ULK4: variants seen among roughly 807,000 people sequenced by gnomAD.
ULK4 encodes the protein unc-51 like kinase 4.
A neutral mutation model predicts 160.6 loss-of-function variants in ULK4; 133 were observed. That is an observed-to-expected ratio of 0.83 (90% CI 0.72 to 0.96). The LOEUF (loss-of-function observed/expected upper bound fraction) is 0.96, where lower values mean the gene tolerates loss of function less well. ULK4 is among the 40% of genes least tolerant of loss of function. ULK4 has a pLI of 0.00. For missense variants in ULK4, 1,580 were observed against 1,499.5 expected, an observed-to-expected ratio of 1.05 and a Z score of -0.89; for synonymous variants, 534 against 539.8, an observed-to-expected ratio of 0.99 and a Z score of 0.15.
At chr3:41,827,110 A>G (rs1029048269) in intron 18 of ULK4, among the ~76,000 whole-genome samples, 2 of 147,632 alleles carry the variant, frequency 1.4e-5, no homozygotes, top group African/African-American at 2.5e-5. Flanking sequence ...TTTGAAACCA[A>G]CGAGAACAAA....
chr3:41,911,485 A>G, intron 10 of ULK4, 56 bp downstream of exon 10: 1 of 1,587,220 alleles, frequency 6.3e-7, no homozygotes, highest in Non-Finnish European at 8.6e-7. Context: ...CACTGAAATT[A>G]GGAACTCTCT....
intron 17 of ULK4, among the ~76,000 whole-genome samples, chr3:41,842,451 T>C (rs1010538606): frequency 1.3e-5 from 2 of 152,206 alleles, no homozygotes; most frequent in Non-Finnish European, 2.9e-5. Context: ...TGATCCCCAG[T>C]GTTGGACGTG....
chr3:41,389,195 T>C (rs1305390451), intron 35 of ULK4, among the ~76,000 whole-genome samples: 6 of 152,134 alleles, frequency 3.9e-5, no homozygotes, highest in Non-Finnish European at 8.8e-5. Flanking sequence ...TGTATAAGAA[T>C]GCTTGTGATT....
At chr3:41,651,027 A>G (rs981936559) in intron 30 of ULK4, among the ~76,000 whole-genome samples, 1 of 152,120 alleles carries the variant, frequency 6.6e-6, no homozygotes, top group South Asian at 2.1e-4. Flanking sequence ...CTTTAGAGTT[A>G]TTGATGTTCC....
chr3:41,338,827 G>T (rs2080621345), intron 35 of ULK4, among the ~76,000 whole-genome samples: 1 of 151,716 alleles, frequency 6.6e-6, no homozygotes, highest in African/African-American at 2.4e-5. Context: ...GATCCTGAAG[G>T]CCTGAGAACC....
intron 30 of ULK4, among the ~76,000 whole-genome samples, chr3:41,636,701 A>T (rs1248523438): frequency 6.6e-6 from 1 of 152,012 alleles, no homozygotes; most frequent in Non-Finnish European, 1.5e-5. Flanking sequence ...GGTGCGCTGC[A>T]CCCATTAACT....
intron 30 of ULK4, among the ~76,000 whole-genome samples, chr3:41,632,485 C>A (rs2033790284): frequency 6.6e-6 from 1 of 152,096 alleles, no homozygotes. Context: ...TGTTTGGTAT[C>A]TTTTATGTGC....
Position 41,954,731 on chromosome 3 carries a change from A to C in ULK4, c.29T>G (p.Ile10Ser). MENFILYEE[I>S]GRGSKTVVYK... is the part of the protein sequence containing the mutation. ...GACAACAGTCTTGCTTCCTCTTCCGATCTCCTCATACAGAATAAAGTTTTC... is the reference window on the plus strand; with the variant it reads ...GACAACAGTCTTGCTTCCTCTTCCGCTCTCCTCATACAGAATAAAGTTTTC... The change falls in exon 2 of 37, where the codon ATC becomes AGC. Residue 10 changes from isoleucine to serine, a missense_variant. Ile to Ser is a moderately radical substitution (Grantham distance 142). Transcript: ENST00000301831. 1 of 1,613,854 alleles carries C rather than the reference A, an allele frequency of 6.2e-7. No individual in the cohort carries two copies. Among genetic ancestry groups the C allele is most frequent in the Non-Finnish European group, 8.5e-7 (1 of 1,179,878 alleles).
intron 32 of ULK4, among the ~76,000 whole-genome samples, chr3:41,463,601 A>T (rs1450591687): frequency 6.6e-6 from 1 of 152,224 alleles, no homozygotes; most frequent in East Asian, 1.9e-4. Context: ...TCTTGTTTGA[A>T]GGCAGTTTTC....
chr3:41,247,679 T>TG (rs2078670043), intron 36 of ULK4, among the ~76,000 whole-genome samples: 1 of 152,190 alleles, frequency 6.6e-6, no homozygotes, highest in Admixed American at 6.5e-5. Context: ...GACCGTTCCA[T>TG]GCATTCCTGC....
intron 27 of ULK4, among the ~76,000 whole-genome samples, chr3:41,697,254 G>A (rs1323711215): frequency 6.6e-6 from 1 of 152,108 alleles, no homozygotes; most frequent in African/African-American, 2.4e-5. Context: ...CAGCAACAGA[G>A]CACATGTACG....
chr3:41,956,006 C>T (rs1459271920), intron 1 of ULK4, among the ~76,000 whole-genome samples: 3 of 152,148 alleles, frequency 2.0e-5, no homozygotes, highest in Admixed American at 2.0e-4. Flanking sequence ...CTGTTTCACA[C>T]TGACTTCCTG....
At chr3:41,526,419 C>T (rs1164739975) in intron 32 of ULK4, among the ~76,000 whole-genome samples, 1 of 152,194 alleles carries the variant, frequency 6.6e-6, no homozygotes, top group Non-Finnish European at 1.5e-5. Context: ...ACAGCTAAGG[C>T]AATTCAGCCA....
intron 27 of ULK4, among the ~76,000 whole-genome samples, chr3:41,684,978 A>G (rs2036050843): frequency 6.6e-6 from 1 of 152,236 alleles, no homozygotes; most frequent in South Asian, 2.1e-4. Context: ...TTCTGGGAAG[A>G]CCAATGACAA....
chr3:41,328,789 A>C (rs2080385893), intron 35 of ULK4, among the ~76,000 whole-genome samples: 1 of 152,252 alleles, frequency 6.6e-6, no homozygotes, highest in East Asian at 1.9e-4. Context: ...CAAGGAGAGA[A>C]AGCCCCACGG....
At chr3:41,330,733 C>A (rs1042663156) in intron 35 of ULK4, among the ~76,000 whole-genome samples, 39 of 152,200 alleles carry the variant, frequency 2.6e-4, no homozygotes, top group African/African-American at 9.2e-4. Flanking sequence ...TAGTTCCAGG[C>A]AGCAGAGCTG....
At chr3:41,396,539 AT>A (rs1263014470) in intron 35 of ULK4, among the ~76,000 whole-genome samples, 1 of 152,056 alleles carries the variant, frequency 6.6e-6, no homozygotes, top group Non-Finnish European at 1.5e-5. Flanking sequence ...ACATAAAGTA[AT>A]TTTTTAAAGA....
chr3:41,537,200 T>G (rs1478030782), intron 32 of ULK4, among the ~76,000 whole-genome samples: 1 of 151,844 alleles, frequency 6.6e-6, no homozygotes, highest in South Asian at 2.1e-4. Context: ...CCATTTTTTT[T>G]TTGTTGCCAT....
intron 32 of ULK4, among the ~76,000 whole-genome samples, chr3:41,558,270 A>T (rs944777086): frequency 6.6e-6 from 1 of 152,172 alleles, no homozygotes; most frequent in Non-Finnish European, 1.5e-5. Context: ...ACAGAATAGG[A>T]TGTTGCTGTG....
Sources: gnomAD v4.1 joint callset for allele counts (sites outside exome capture counted in the v4.1 genomes callset) on GRCh38, gnomAD v4.1.1 for gene constraint, MANE v1.5 for transcripts, NCBI Gene and HGNC (gene_info 2026-07-23, HGNC 2026-07-21) for gene names.